Variants in RYR2 observed in about 807,000 individuals in gnomAD.
RYR2 encodes the protein ryanodine receptor 2.
A neutral mutation model predicts 601.1 loss-of-function variants in RYR2; 227 were observed. The ratio of observed to expected loss-of-function variants is 0.38; its 90% CI spans 0.34 to 0.42. The LOEUF (loss-of-function observed/expected upper bound fraction) is 0.42, where lower values mean the gene tolerates loss of function less well. RYR2 is among the 10% of genes least tolerant of loss of function. The pLI is 1.00. For synonymous variants in RYR2, 2,223 were observed against 2,175.1 expected, an observed-to-expected ratio of 1.02 and a Z score of -0.61; for missense variants, 4,646 against 6,156.5, an observed-to-expected ratio of 0.75 and a Z score of 8.21.
intron 16 of RYR2, among the ~76,000 whole-genome samples, chr1:237,466,625 TTTA>T (rs1366889240): frequency 6.6e-6 from 1 of 151,952 alleles, no homozygotes; most frequent in Non-Finnish European, 1.5e-5. Flanking sequence ...AATTTCTACT[TTTA>T]TTGCGATTTA....
rs567516845 is a variant in RYR2 at position 237,356,374 on chromosome 1, C to T, written c.294+389C>T. On this transcript the variant is annotated intron_variant, in intron 4 of 104. Transcript: ENST00000366574. ...ATTCCACTGCTTAGTCCTTATATTT[C>T]TGCATGTACTGTAGAAGAAGACAAT... is the stretch of plus-strand genomic sequence containing the variant. 1.4e-3 allele frequency among the ~76,000 whole-genome samples: 206 copies of T among 150,468 alleles called. 1 individual carries two copies. Among genetic ancestry groups the T allele is most frequent in the African/African-American group, 4.8e-3 (196 of 41,200 alleles).
intron 1 of RYR2, among the ~76,000 whole-genome samples, chr1:237,139,168 A>G (rs1254550298): frequency 6.6e-6 from 1 of 152,240 alleles, no homozygotes; most frequent in Admixed American, 6.5e-5. Flanking sequence ...GATATGCTGT[A>G]TCCATACAAT....
chr1:237,489,843 C>T (rs181977852), intron 17 of RYR2, among the ~76,000 whole-genome samples: 4 of 152,236 alleles, frequency 2.6e-5, no homozygotes, highest in East Asian at 1.9e-4. Context: ...CTTAAATGTT[C>T]GTGGCATCAC....
At position 237,042,451 on chromosome 1, in the gene RYR2, C is replaced by G; in HGVS notation, c.-71C>G. The G allele has an allele frequency of 8.2e-7, 1 of 1,219,920 alleles. No homozygotes were observed. The highest frequency in any genetic ancestry group is 1.0e-6 in the Non-Finnish European group (1 of 968,676). 75.6% of individuals were successfully genotyped at this position (1,219,920 alleles called of 1,614,324 possible). On this transcript the variant is annotated 5_prime_UTR_variant, in exon 1 of 105. Transcript: ENST00000366574. ...TCCCGGCAGCAGAAGCAGAAGGCAGCGCCAGGGGCCGCCGCCGCCGCCGAG... is the reference window on the plus strand; with the variant it reads ...TCCCGGCAGCAGAAGCAGAAGGCAGGGCCAGGGGCCGCCGCCGCCGCCGAG...
At chr1:237,375,253 A>G (rs569152926) in intron 7 of RYR2, among the ~76,000 whole-genome samples, 2 of 152,358 alleles carry the variant, frequency 1.3e-5, no homozygotes, top group African/African-American at 4.8e-5. Flanking sequence ...GTCCAAGCAG[A>G]CATGCATTTT....
At chr1:237,387,914 C>T (rs1177814993) in intron 9 of RYR2, among the ~76,000 whole-genome samples, 173 bp from the exon 10 acceptor site, 1 of 147,094 alleles carries the variant, frequency 6.8e-6, no homozygotes, top group East Asian at 2.1e-4. Context: ...CTCGGGCACC[C>T]AGGACTCAGA....
intron 66 of RYR2, among the ~76,000 whole-genome samples, chr1:237,702,509 A>G (rs1012258384): frequency 1.3e-5 from 2 of 152,154 alleles, no homozygotes; most frequent in Non-Finnish European, 1.5e-5. Flanking sequence ...ATTTAAAATA[A>G]AGAGATCACT....
intron 1 of RYR2, among the ~76,000 whole-genome samples, chr1:237,146,175 G>A (rs1233906160): frequency 6.6e-6 from 1 of 152,156 alleles, no homozygotes; most frequent in African/African-American, 2.4e-5. Flanking sequence ...TCTTTAGAAG[G>A]GGTGGGGAGG....
chr1:237,663,704 A>G lies in RYR2; in HGVS notation c.8436+2757A>G, dbSNP rs542727717. On this transcript the variant is annotated intron_variant, in intron 56 of 104. Transcript: ENST00000366574. ...AATCACTTAAAAGAATAACTGGCAT[A>G]TATTTCAATATAGGTGAGCCATAAT... 3.9e-5 allele frequency among the ~76,000 whole-genome samples: 6 copies of G among 152,330 alleles called. No individual in the cohort carries two copies. In the East Asian group the frequency reaches 9.7e-4, roughly 25 times the overall value.
At chr1:237,195,689 G>A (rs1391441435) in intron 1 of RYR2, among the ~76,000 whole-genome samples, 3 of 152,178 alleles carry the variant, frequency 2.0e-5, no homozygotes, top group Non-Finnish European at 4.4e-5. Context: ...GCATCAAATT[G>A]GCATAGGCTC....
intron 27 of RYR2, among the ~76,000 whole-genome samples, chr1:237,562,303 A>G (rs1481946746): frequency 1.3e-5 from 2 of 152,222 alleles, no homozygotes; most frequent in Non-Finnish European, 2.9e-5. Flanking sequence ...CAATAATTTT[A>G]AAAAGTATTA....
rs564957784 is a variant in RYR2 at position 237,375,098 on chromosome 1, G to T, written c.463+303G>T. Among the ~76,000 whole-genome samples the T allele has an allele frequency of 4.6e-5, 7 of 152,220 alleles. No homozygotes were observed. In the South Asian group the frequency reaches 1.5e-3, roughly 32 times the overall value. ...TAGCCATATTAATGTACACTAATTA[G>T]TTTGTGAAGTAATTCTACATGTCTC... On this transcript the variant is annotated intron_variant, in intron 7 of 104. Transcript: ENST00000366574.
At chr1:237,328,528 T>C (rs932336219) in intron 2 of RYR2, among the ~76,000 whole-genome samples, 1 of 151,610 alleles carries the variant, frequency 6.6e-6, no homozygotes, top group Non-Finnish European at 1.5e-5. Context: ...TGAGCAGGAA[T>C]GGAAAGTGAT....
intron 1 of RYR2, among the ~76,000 whole-genome samples, chr1:237,111,985 T>G (rs1669524986): frequency 6.6e-6 from 1 of 152,070 alleles, no homozygotes; most frequent in African/African-American, 2.4e-5. Context: ...CAGCTGTCAT[T>G]GGTTGGGGGT....
intron 1 of RYR2, among the ~76,000 whole-genome samples, chr1:237,176,915 G>A (rs1272911617): frequency 6.6e-6 from 1 of 152,192 alleles, no homozygotes; most frequent in Non-Finnish European, 1.5e-5. Flanking sequence ...TCTACAACAA[G>A]TTAATATTGG....
Position 237,795,335 on chromosome 1 carries a change from A to G in RYR2, c.13956+4A>G. The G allele has an allele frequency of 7.2e-7, 1 of 1,395,296 alleles. No individual in the cohort carries two copies. The highest frequency in any genetic ancestry group is 9.9e-7 in the Non-Finnish European group (1 of 1,011,386). 86.4% of individuals were successfully genotyped at this position (1,395,296 alleles called of 1,614,324 possible). A position where few individuals can be genotyped will look rare whatever the true frequency, so the allele number is the denominator to read the frequency against. ...GGACAAATTTGTTAAAAGAAAGGTA[A>G]TATTACTTGGAATCCTCTACATTTT... On this transcript the variant is annotated splice_donor_region_variant and intron_variant, in intron 96 of 104. Coordinates refer to ENST00000366574, the MANE Select transcript of RYR2 (RefSeq NM_001035.3).
chr1:237,345,467 T>TAAAAAAAA (rs1332928390), intron 3 of RYR2, among the ~76,000 whole-genome samples: 1 of 143,960 alleles, frequency 6.9e-6, no homozygotes, highest in Non-Finnish European at 1.5e-5. Flanking sequence ...AAATAAAAAA[T>TAAAAAAAA]AAAAAATAAA....
intron 73 of RYR2, among the ~76,000 whole-genome samples, chr1:237,721,785 G>GCCA: frequency 6.6e-6 from 1 of 152,170 alleles, no homozygotes; most frequent in South Asian, 2.1e-4. Context: ...CTCCCAAAGT[G>GCCA]CTGGGATTAC....
Position 237,106,010 on chromosome 1 carries a change from AG to A in RYR2, c.48+63443del, listed in dbSNP as rs1242696157. Among the ~76,000 whole-genome samples, 1 of 152,018 alleles carries A rather than the reference AG, an allele frequency of 6.6e-6. No homozygotes were observed. Among genetic ancestry groups the A allele is most frequent in the Non-Finnish European group, 1.5e-5 (1 of 67,988 alleles). On this transcript the variant is annotated intron_variant, in intron 1 of 104. Coordinates refer to ENST00000366574, the MANE Select transcript of RYR2 (RefSeq NM_001035.3). This position sits in a 1 kb window ranked among gnomAD's most constrained non-coding sequence, Gnocchi z 4.4. ...CGTGGGAGTGTGCCTGGAGACTCTA[AG>A]GAACAGAGTGTGCAGCAGGACTGGG...
Sources: gnomAD v4.1 joint callset for allele counts (sites outside exome capture counted in the v4.1 genomes callset) on GRCh38, gnomAD v4.1.1 for gene constraint, Gnocchi (gnomAD v3.1) non-coding constraint, MANE v1.5 for transcripts, NCBI Gene and HGNC (gene_info 2026-07-23, HGNC 2026-07-21) for gene names.